ATP2B1: variants seen among roughly 807,000 people sequenced by gnomAD.
ATP2B1 encodes plasma membrane calcium-transporting ATPase 1.
Under a neutral mutation model 124.2 loss-of-function variants are expected in ATP2B1, and 14 were observed. That is an observed-to-expected ratio of 0.11 (90% CI 0.07 to 0.18). ATP2B1 has a LOEUF of 0.18. Ranked by LOEUF, ATP2B1 falls within the 10% of genes least tolerant of loss-of-function variation. The pLI, the probability that ATP2B1 is intolerant of heterozygous loss-of-function variation, is 1.00. For missense variants in ATP2B1, 763 were observed against 1,466.1 expected, an observed-to-expected ratio of 0.52 and a Z score of 7.83; for synonymous variants, 449 against 492.4, an observed-to-expected ratio of 0.91 and a Z score of 1.17.
intron 1 of ATP2B1, among the ~76,000 whole-genome samples, chr12:89,677,962 A>ATATATGTATATATATG (rs1175567131): frequency 1.0e-5 from 1 of 97,636 alleles, no homozygotes; most frequent in Non-Finnish European, 2.2e-5. Context: ...AATTATATAT[A>ATATATGTATATATATG]TATATATATA....
chr12:89,637,919 T>C (rs1882946922), intron 3 of ATP2B1, among the ~76,000 whole-genome samples: 1 of 152,154 alleles, frequency 6.6e-6, no homozygotes, highest in African/African-American at 2.4e-5. Flanking sequence ...CTGACATGGA[T>C]ATCCATCACT....
intron 1 of ATP2B1, among the ~76,000 whole-genome samples, chr12:89,689,164 T>C (rs1265678799): frequency 6.6e-6 from 1 of 152,080 alleles, no homozygotes; most frequent in East Asian, 1.9e-4. Context: ...TCAGCTTCTC[T>C]TGTCAGGTCC....
chr12:89,690,573 CTTT>C (rs200007363), intron 1 of ATP2B1, among the ~76,000 whole-genome samples: 1 of 150,812 alleles, frequency 6.6e-6, no homozygotes, highest in Non-Finnish European at 1.5e-5. Context: ...AACAGTTTTG[CTTT>C]TTTTAAAAAA....
At chr12:89,620,427 T>C (rs1879768738) in intron 10 of ATP2B1, among the ~76,000 whole-genome samples, 187 bp from the exon 11 acceptor site, 1 of 152,194 alleles carries the variant, frequency 6.6e-6, no homozygotes, top group Admixed American at 6.5e-5. Flanking sequence ...TGGATTCTAA[T>C]CTCAGTCCTG....
chr12:89,631,109 A>G (rs1175030785), intron 5 of ATP2B1, among the ~76,000 whole-genome samples: 1 of 152,078 alleles, frequency 6.6e-6, no homozygotes, highest in Non-Finnish European at 1.5e-5. Flanking sequence ...AATAAAACTT[A>G]TTTCTTGTGC....
intron 20 of ATP2B1, among the ~76,000 whole-genome samples, chr12:89,595,854 G>A (rs779411704): frequency 2.0e-5 from 3 of 152,016 alleles, no homozygotes; most frequent in Non-Finnish European, 4.4e-5. Flanking sequence ...ACAGAATAAA[G>A]AAGTAAACAT....
chr12:89,687,264 C>T (rs1489092215), intron 1 of ATP2B1, among the ~76,000 whole-genome samples: 2 of 152,074 alleles, frequency 1.3e-5, no homozygotes, highest in Admixed American at 1.3e-4. Context: ...GATACACAAA[C>T]ATTTACTGTC....
Position 89,620,019 on chromosome 12 carries a change from T to G in ATP2B1, c.1809A>C (p.Ala603=), listed in dbSNP as rs768225800. The change falls in exon 11 of 21, where the codon GCA becomes GCC. Residue 603 remains alanine (A), a synonymous_variant. Coordinates refer to ENST00000428670, the MANE Select transcript of ATP2B1 (RefSeq NM_001366521.1). Reference sequence around the variant, plus strand: ...CTTACTTTTTCAGAATTATCTCAGATGCACCCTTGCTGAATATTCGATAAC... The same window carrying G: ...CTTACTTTTTCAGAATTATCTCAGAGGCACCCTTGCTGAATATTCGATAAC... The part of the protein sequence containing the change: ...DGSYRIFSKG[A]SEIILKKCFK... 3.7e-6 allele frequency: 6 copies of G among 1,613,922 alleles called. No individual in the cohort carries two copies. The highest frequency in any genetic ancestry group is 2.7e-5 in the African/African-American group (2 of 74,930).
At chr12:89,687,549 A>G (rs1890103578) in intron 1 of ATP2B1, among the ~76,000 whole-genome samples, 1 of 152,054 alleles carries the variant, frequency 6.6e-6, no homozygotes, top group South Asian at 2.1e-4. Flanking sequence ...TGGTCCTGGA[A>G]TTAATCCCCC....
chr12:89,610,355 C>A, intron 14 of ATP2B1, 66 bp downstream of exon 14: 1 of 1,317,482 alleles, frequency 7.6e-7, no homozygotes, highest in South Asian at 1.2e-5. Flanking sequence ...GTATCTATTA[C>A]TATTCTGGGA....
intron 1 of ATP2B1, among the ~76,000 whole-genome samples, chr12:89,694,710 T>C (rs1383589212): frequency 6.6e-6 from 1 of 152,032 alleles, no homozygotes; most frequent in African/African-American, 2.4e-5. Flanking sequence ...CAGCACAACT[T>C]AGAAAACCCT....
chr12:89,674,212 A>G (rs1408709910), intron 1 of ATP2B1, among the ~76,000 whole-genome samples: 1 of 152,146 alleles, frequency 6.6e-6, no homozygotes, highest in Non-Finnish European at 1.5e-5. Flanking sequence ...TACTAATTAC[A>G]CAATTTAATT....
In ATP2B1 at chr12:89,636,884, T is replaced by C. The variant is rs188274063; in HGVS notation, c.407-1633A>G. Among the ~76,000 whole-genome samples the C allele has an allele frequency of 2.3e-4, 35 of 152,324 alleles. No homozygotes were observed. In the East Asian group the frequency reaches 6.6e-3, roughly 29 times the overall value. On this transcript the variant is annotated intron_variant, in intron 3 of 20. Transcript: ENST00000428670. ...CTCAAGAAATCACCATGTGTCATTG[T>C]GTATAATAACCAGTTAAAGTGATTT...
chr12:89,684,312 G>T (rs1355686590), intron 1 of ATP2B1, among the ~76,000 whole-genome samples: 3 of 152,130 alleles, frequency 2.0e-5, no homozygotes, highest in Non-Finnish European at 4.4e-5. Context: ...ATGTAAAATT[G>T]AAACAAACTG....
In ATP2B1 at chr12:89,599,057, T is replaced by TC. The variant is rs1875269459; in HGVS notation, c.3351+59dup. ...GTTTAAGGAGCACACTCGAACCTCC[T>TC]CCCCAGGTCAAAAAGCCCTGGCTCC... is the stretch of plus-strand genomic sequence containing the variant. On this transcript the variant is annotated intron_variant, in intron 20 of 20. Coordinates refer to ENST00000428670, the MANE Select transcript of ATP2B1 (RefSeq NM_001366521.1). 3.8e-6 allele frequency: 6 copies of TC among 1,562,250 alleles called. No homozygotes were observed. The Admixed American group carries it at 7.5e-5, about 19-fold the overall frequency.
intron 1 of ATP2B1, among the ~76,000 whole-genome samples, chr12:89,669,545 G>A (rs1034620164): frequency 4.6e-5 from 7 of 152,046 alleles, no homozygotes; most frequent in South Asian, 2.1e-4. Context: ...CAGCTTCCTC[G>A]TTTGTAGAAT....
At chr12:89,616,688 A>G in intron 12 of ATP2B1, 114 bp downstream of exon 12, 1 of 987,418 alleles carries the variant, frequency 1.0e-6, no homozygotes, top group Non-Finnish European at 1.5e-6. Flanking sequence ...TTCACACAGA[A>G]AAAAAAAAAA....
At chr12:89,693,830 G>C (rs1385297176) in intron 1 of ATP2B1, among the ~76,000 whole-genome samples, 1 of 152,170 alleles carries the variant, frequency 6.6e-6, no homozygotes, top group Non-Finnish European at 1.5e-5. Context: ...ACTTCTGGCG[G>C]CTTAGAGGGC....
At chr12:89,595,257 C>A (rs896147501) in intron 20 of ATP2B1, among the ~76,000 whole-genome samples, 1 of 151,922 alleles carries the variant, frequency 6.6e-6, no homozygotes, top group Non-Finnish European at 1.5e-5. Flanking sequence ...AGACAACAGG[C>A]TAGATTTGGC....
Sources: allele counts gnomAD v4.1 joint callset (sites outside exome capture counted in the v4.1 genomes callset), GRCh38; gene constraint gnomAD v4.1.1; transcripts MANE v1.5; gene names NCBI Gene and HGNC (gene_info 2026-07-23, HGNC 2026-07-21).